Variants in SLIT3 observed in about 807,000 individuals in gnomAD.
SLIT3 encodes the protein slit homolog 3 protein.
In SLIT3, 68 loss-of-function variants were observed where a neutral mutation model predicts 184.0. That is an observed-to-expected ratio of 0.37 (90% CI 0.30 to 0.45). SLIT3 has a LOEUF of 0.45. SLIT3 is among the 20% of genes least tolerant of loss of function. The pLI is 1.00. For synonymous variants in SLIT3, 831 were observed against 828.6 expected, an observed-to-expected ratio of 1.00 and a Z score of -0.05; for missense variants, 1,707 against 2,026.0, an observed-to-expected ratio of 0.84 and a Z score of 3.02.
At chr5:168,902,676 G>A (rs1195773994) in intron 4 of SLIT3, among the ~76,000 whole-genome samples, 1 of 152,160 alleles carries the variant, frequency 6.6e-6, no homozygotes, top group Non-Finnish European at 1.5e-5. Flanking sequence ...TCTGGGGTTG[G>A]GGCACAACTG....
intron 4 of SLIT3, among the ~76,000 whole-genome samples, chr5:169,091,523 C>A (rs546451268): frequency 6.6e-6 from 1 of 152,254 alleles, no homozygotes; most frequent in Non-Finnish European, 1.5e-5. Context: ...GGAAGCTAAA[C>A]AGCACACTGT....
chr5:168,837,991 G>A (rs1758110414), intron 6 of SLIT3, among the ~76,000 whole-genome samples: 1 of 152,142 alleles, frequency 6.6e-6, no homozygotes, highest in African/African-American at 2.4e-5. Context: ...TGTGGAACTG[G>A]ATCTGTTGCT....
chr5:168,698,345 CT>C (rs1051225627), intron 27 of SLIT3, among the ~76,000 whole-genome samples: 2 of 152,008 alleles, frequency 1.3e-5, no homozygotes, highest in Non-Finnish European at 2.9e-5. Flanking sequence ...GTGTGGACCC[CT>C]AATCCAATAT....
chr5:168,838,275 C>T (rs1286075619), intron 6 of SLIT3, among the ~76,000 whole-genome samples: 1 of 152,160 alleles, frequency 6.6e-6, no homozygotes, highest in Non-Finnish European at 1.5e-5. Flanking sequence ...AGTCAGTCAA[C>T]TTTTCTAAGC....
intron 4 of SLIT3, among the ~76,000 whole-genome samples, chr5:169,110,452 G>T (rs1482115256): frequency 6.6e-6 from 1 of 152,106 alleles, no homozygotes; most frequent in Non-Finnish European, 1.5e-5. Context: ...TCTGTTGCAG[G>T]CCTCTCTCCT....
rs551429702 is a variant in SLIT3 at position 168,800,226 on chromosome 5, C to A, written c.936-4648G>T. Among the ~76,000 whole-genome samples, 31 of 152,340 alleles carry A rather than the reference C, an allele frequency of 2.0e-4. 2 individuals are homozygous for A. The South Asian group carries it at 3.9e-3, about 19-fold the overall frequency. ...CTTTCAAGGTTATGCTCTGGGCCCA[C>A]CTTCTGGGGCAGTCCCTTTCTGGCC... On this transcript the variant is annotated intron_variant, in intron 9 of 35. Transcript: ENST00000519560.
At chr5:169,177,091 T>G (rs1057371117) in intron 4 of SLIT3, among the ~76,000 whole-genome samples, 5 of 152,190 alleles carry the variant, frequency 3.3e-5, no homozygotes, top group Non-Finnish European at 7.3e-5. Flanking sequence ...TGAGTAATAT[T>G]TTCCCCCACT....
chr5:169,036,943 G>A (rs1286314854), intron 4 of SLIT3, among the ~76,000 whole-genome samples: 2 of 152,152 alleles, frequency 1.3e-5, no homozygotes, highest in African/African-American at 2.4e-5. Flanking sequence ...ACTTTTCTAG[G>A]TGGAATATAT....
chr5:169,233,867 A>G (rs900685416), intron 3 of SLIT3, among the ~76,000 whole-genome samples: 3 of 151,948 alleles, frequency 2.0e-5, no homozygotes, highest in Non-Finnish European at 4.4e-5. Flanking sequence ...TTTCCAATAC[A>G]GTGTTTAATA....
chr5:169,288,323 C>G (rs372814570), intron 1 of SLIT3, among the ~76,000 whole-genome samples: 1 of 150,920 alleles, frequency 6.6e-6, no homozygotes. Flanking sequence ...TTCTCAGATA[C>G]AATTGTTCTC....
At chr5:168,789,866 C>A in intron 10 of SLIT3, 2 of 499,662 alleles carry the variant, frequency 4.0e-6, no homozygotes, top group Admixed American at 3.6e-5. Flanking sequence ...GAATACTCAC[C>A]CGTGGCATCT....
intron 3 of SLIT3, among the ~76,000 whole-genome samples, chr5:169,241,243 A>C (rs898007368): frequency 6.6e-6 from 1 of 152,234 alleles, no homozygotes; most frequent in African/African-American, 2.4e-5. Context: ...TATATTAAGC[A>C]AAGTACTTCG....
chr5:169,087,779 T>C (rs1043555103), intron 4 of SLIT3, among the ~76,000 whole-genome samples: 1 of 152,246 alleles, frequency 6.6e-6, no homozygotes, highest in Admixed American at 6.5e-5. Context: ...AAAATGCCAG[T>C]AGTGACTGAT....
chr5:168,990,932 G>A (rs139670651), intron 4 of SLIT3, among the ~76,000 whole-genome samples: 48 of 152,302 alleles, frequency 3.2e-4, no homozygotes, highest in Middle Eastern at 3.4e-3. Flanking sequence ...GCCAGACCCT[G>A]CACTAAGTAC....
chr5:168,694,009 C>T (rs748941737), intron 28 of SLIT3, among the ~76,000 whole-genome samples: 5 of 152,118 alleles, frequency 3.3e-5, no homozygotes, highest in Admixed American at 1.3e-4. Flanking sequence ...CTGAGTTTCC[C>T]GGGAATGAAT....
At chr5:169,076,051 C>T (rs1221789610) in intron 4 of SLIT3, among the ~76,000 whole-genome samples, 1 of 152,234 alleles carries the variant, frequency 6.6e-6, no homozygotes, top group African/African-American at 2.4e-5. Context: ...AGCTGAGCCC[C>T]TCTGTTCTCT....
intron 4 of SLIT3, among the ~76,000 whole-genome samples, chr5:169,079,585 G>GGGAGGA (rs1394286324): frequency 7.9e-6 from 1 of 126,372 alleles, no homozygotes; most frequent in African/African-American, 3.0e-5. Flanking sequence ...AGGAGAGAAG[G>GGGAGGA]GGAGGAGGAG....
intron 1 of SLIT3, among the ~76,000 whole-genome samples, chr5:169,297,317 C>T (rs534705053): frequency 2.0e-5 from 3 of 152,038 alleles, no homozygotes; most frequent in Admixed American, 1.3e-4. Context: ...GAACACAGAC[C>T]CCCCAATTCT....
intron 4 of SLIT3, among the ~76,000 whole-genome samples, chr5:169,116,338 C>T (rs959146183): frequency 2.6e-5 from 4 of 152,084 alleles, no homozygotes; most frequent in Admixed American, 6.6e-5. Flanking sequence ...GACAGAAGAT[C>T]ATAAACATGA....
Sources: allele counts gnomAD v4.1 joint callset (sites outside exome capture counted in the v4.1 genomes callset), GRCh38; gene constraint gnomAD v4.1.1; transcripts MANE v1.5; gene names NCBI Gene and HGNC (gene_info 2026-07-23, HGNC 2026-07-21).